KIF9: variants seen among roughly 807,000 people sequenced by gnomAD.
KIF9 encodes kinesin family member 9, also known as kinesin-like protein KIF9.
Under a neutral mutation model 94.8 loss-of-function variants are expected in KIF9, and 68 were observed. The ratio of observed to expected loss-of-function variants is 0.72; its 90% CI spans 0.59 to 0.88. KIF9 has a LOEUF of 0.88. Among genes scored for constraint, KIF9 ranks in the 40% least tolerant of loss-of-function variants. KIF9 has a pLI of 0.00. For missense variants in KIF9, 882 were observed against 982.5 expected, an observed-to-expected ratio of 0.90 and a Z score of 1.37; for synonymous variants, 343 against 362.1, an observed-to-expected ratio of 0.95 and a Z score of 0.60.
At chr3:47,272,450 T>C (rs1047788940) in intron 4 of KIF9, among the ~76,000 whole-genome samples, 3 of 152,334 alleles carry the variant, frequency 2.0e-5, no homozygotes, top group Non-Finnish European at 2.9e-5. Flanking sequence ...CTGGAACAAC[T>C]TGGGTATGTA....
At chr3:47,276,475 G>C (rs554415041) in intron 2 of KIF9, among the ~76,000 whole-genome samples, 2 of 150,824 alleles carry the variant, frequency 1.3e-5, no homozygotes, top group South Asian at 2.1e-4. Flanking sequence ...ACGATCGCTT[G>C]AACCTGGGAG....
At chr3:47,271,521 A>AG in intron 4 of KIF9, 60 bp from the exon 5 acceptor site, 2 of 1,242,756 alleles carry the variant, frequency 1.6e-6, no homozygotes, top group Non-Finnish European at 2.4e-6. Flanking sequence ...AACTAGCATA[A>AG]GGGGGGCTTC....
chr3:47,236,348 G>T, intron 18 of KIF9, 95 bp downstream of exon 18: 2 of 1,394,010 alleles, frequency 1.4e-6, no homozygotes, highest in Non-Finnish European at 1.0e-6. Flanking sequence ...CTCTGCCAGA[G>T]AGAAACTCTG....
At chr3:47,279,694 GC>G (rs1265300159) in intron 1 of KIF9, among the ~76,000 whole-genome samples, 2 of 150,702 alleles carry the variant, frequency 1.3e-5, no homozygotes, top group African/African-American at 4.9e-5. Context: ...TCAGCTCACT[GC>G]AAGCTCCGCC....
intron 1 of KIF9, among the ~76,000 whole-genome samples, chr3:47,279,160 CAAAAA>C (rs55779664): frequency 6.7e-4 from 37 of 54,896 alleles, no homozygotes; most frequent in African/African-American, 2.2e-3. Context: ...GACCATATCT[CAAAAA>C]AAAAAAAAAA....
intron 10 of KIF9, among the ~76,000 whole-genome samples, chr3:47,257,248 G>T (rs1166699104): frequency 6.6e-6 from 1 of 151,802 alleles, no homozygotes. Flanking sequence ...AGTTCTTTAG[G>T]CCTCACATGT....
chr3:47,256,540 G>A (rs1161870550), intron 10 of KIF9, among the ~76,000 whole-genome samples: 3 of 150,930 alleles, frequency 2.0e-5, no homozygotes, highest in Non-Finnish European at 3.0e-5. Flanking sequence ...CCCCCCGCCC[G>A]GCCGGCCGCC....
At chr3:47,237,164 G>T (rs1027203962) in intron 17 of KIF9, among the ~76,000 whole-genome samples, 1 of 151,966 alleles carries the variant, frequency 6.6e-6, no homozygotes, top group African/African-American at 2.4e-5. Flanking sequence ...GCACAATCTC[G>T]GCTCACTGCA....
Position 47,241,883 on chromosome 3 carries a change from TA to T in KIF9, c.1710-869del, listed in dbSNP as rs1287960295. On this transcript the variant is annotated intron_variant, in intron 16 of 20. Transcript: ENST00000684063. ...ATATACACATATATATATATATATATATTTTTTTTTTTTTTTCTTTGGAGAC... is the reference window on the plus strand; with the variant it reads ...ATATACACATATATATATATATATATTTTTTTTTTTTTTTTCTTTGGAGAC... Among the ~76,000 whole-genome samples the T allele has an allele frequency of 8.5e-3, 626 of 73,928 alleles. 2 individuals carry two copies. Among genetic ancestry groups the T allele is most frequent in the Middle Eastern group, 0.022 (3 of 134 alleles). 48.5% of individuals were successfully genotyped at this position (73,928 alleles called of 152,430 possible).
At chr3:47,261,690 C>T (rs1205142309) in intron 9 of KIF9, among the ~76,000 whole-genome samples, 1 of 152,220 alleles carries the variant, frequency 6.6e-6, no homozygotes, top group Admixed American at 6.5e-5. Context: ...GGACCACTGA[C>T]AGATCTCACA....
At chr3:47,240,696 C>T in intron 17 of KIF9, 105 bp downstream of exon 17, 9 of 935,440 alleles carry the variant, frequency 9.6e-6, no homozygotes, top group Non-Finnish European at 1.5e-5. Context: ...AGCACCCCCA[C>T]TGGCCCCCTC....
At chr3:47,268,493 T>G (rs1033940303) in intron 5 of KIF9, among the ~76,000 whole-genome samples, 1 of 152,242 alleles carries the variant, frequency 6.6e-6, no homozygotes, top group South Asian at 2.1e-4. Flanking sequence ...CTATAGCTTA[T>G]AGTAGTGAGG....
At chr3:47,276,577 AAAG>A (rs1392884635) in intron 2 of KIF9, among the ~76,000 whole-genome samples, 2 of 151,746 alleles carry the variant, frequency 1.3e-5, no homozygotes, top group Non-Finnish European at 2.9e-5. Flanking sequence ...AAAAAAAAGA[AAAG>A]AAAGAAAGAA....
rs778383292 is a variant in KIF9 at position 47,245,507 on chromosome 3, G to A, written c.1294C>T (p.Gln432Ter). ...AAAGTGGACTCCACTTCCTGTTCCTGTTGGCTTGGGAGACAGCAAGAGAGA... is the reference window on the plus strand; with the variant it reads ...AAAGTGGACTCCACTTCCTGTTCCTATTGGCTTGGGAGACAGCAAGAGAGA... ...FNQFRVVLSQ[Q>*]EQEVESTLRR... The change falls in exon 14 of 21, where the codon CAG (glutamine) becomes TAG (stop). Residue 432 changes from glutamine to a stop codon, truncating the protein, a stop_gained. Coordinates refer to ENST00000684063, the MANE Select transcript of KIF9 (RefSeq NM_182902.4). LOFTEE classifies it high-confidence loss of function. 7 of 1,612,886 alleles carry A rather than the reference G, an allele frequency of 4.3e-6. No homozygotes were observed. In the East Asian group the frequency reaches 1.3e-4, roughly 31 times the overall value.
intron 8 of KIF9, among the ~76,000 whole-genome samples, chr3:47,265,448 G>T (rs925708050): frequency 6.6e-6 from 1 of 152,172 alleles, no homozygotes; most frequent in East Asian, 1.9e-4. Context: ...GGCTGTGAAG[G>T]ATTCTGCCAG....
At chr3:47,281,877 A>C (rs1283688928) in intron 1 of KIF9, among the ~76,000 whole-genome samples, 1 of 152,220 alleles carries the variant, frequency 6.6e-6, no homozygotes, top group East Asian at 1.9e-4. Context: ...GGAAGGCACC[A>C]GGTGGGTCCC....
At chr3:47,245,823 A>C in intron 13 of KIF9, 1 of 484,516 alleles carries the variant, frequency 2.1e-6, no homozygotes, top group East Asian at 3.5e-5. Context: ...TTCTGTCTCT[A>C]AGAGGCCACT....
chr3:47,276,678 T>C (rs916248435), intron 2 of KIF9, among the ~76,000 whole-genome samples: 1 of 152,176 alleles, frequency 6.6e-6, no homozygotes, highest in Non-Finnish European at 1.5e-5. Context: ...TAGGGCTGCA[T>C]GTGAGCTCTT....
At chr3:47,267,820 C>T (rs1349139281) in intron 5 of KIF9, among the ~76,000 whole-genome samples, 3 of 147,558 alleles carry the variant, frequency 2.0e-5, no homozygotes, top group Non-Finnish European at 3.0e-5. Flanking sequence ...TTTTAGTGAG[C>T]ATGTATTACT....
Sources: allele counts gnomAD v4.1 joint callset (sites outside exome capture counted in the v4.1 genomes callset), GRCh38; gene constraint gnomAD v4.1.1; transcripts MANE v1.5; gene names NCBI Gene and HGNC (gene_info 2026-07-23, HGNC 2026-07-21).